Variants in NUP93 observed in about 807,000 individuals in gnomAD.
NUP93 encodes nuclear pore complex protein Nup93.
In NUP93, 55 loss-of-function variants were observed where a neutral mutation model predicts 107.8. The observed-to-expected ratio is 0.51, with a 90% confidence interval of 0.41 to 0.64. The LOEUF (loss-of-function observed/expected upper bound fraction) is 0.64. Among genes scored for constraint, NUP93 ranks in the 30% least tolerant of loss-of-function variants. The pLI is 0.00. For synonymous variants in NUP93, 390 were observed against 397.5 expected (o/e 0.98, Z 0.22); for missense variants, 937 against 1,044.7 (o/e 0.90, Z 1.42).
intron 4 of NUP93, 69 bp downstream of exon 4, chr16:56,798,607 T>C (rs1962951529): frequency 4.0e-6 from 5 of 1,250,038 alleles, no homozygotes; most frequent in Middle Eastern, 1.9e-4. Context: ...GTGGCTCACA[T>C]CTGTAATCCT....
At chr16:56,758,346 C>T (rs1962064263) in intron 2 of NUP93, among the ~76,000 whole-genome samples, 192 bp from the exon 3 acceptor site, 1 of 152,166 alleles carries the variant, frequency 6.6e-6, no homozygotes, top group Non-Finnish European at 1.5e-5. Context: ...CTACAAAGTA[C>T]AGTGTTATGG....
chr16:56,837,004 G>T lies in NUP93; in HGVS notation c.1899+287G>T, dbSNP rs16962710. Among the ~76,000 whole-genome samples the T allele has an allele frequency of 0.021, 3,134 of 152,336 alleles. 54 individuals carry two copies. Among genetic ancestry groups the T allele is most frequent in the South Asian group, 0.061 (293 of 4,830 alleles). On this transcript the variant is annotated intron_variant, in intron 17 of 21. Transcript: ENST00000308159. ...AATTAGCATCCATCACATTTCGATG[G>T]TGAAGCCACTGTTGAAAATTACATT... is the stretch of plus-strand genomic sequence containing the variant.
chr16:56,763,319 C>T (rs1355074461), intron 3 of NUP93, among the ~76,000 whole-genome samples: 4 of 152,150 alleles, frequency 2.6e-5, no homozygotes. Flanking sequence ...ATAGTAGTTA[C>T]TCTTTCTAAA....
chr16:56,814,512 A>G (rs1963380176), intron 5 of NUP93, among the ~76,000 whole-genome samples: 1 of 152,194 alleles, frequency 6.6e-6, no homozygotes, highest in Admixed American at 6.5e-5. Context: ...TTTTCTAACT[A>G]GAATGTGCTT....
rs78099473 is a variant in NUP93, at chr16:56,835,517, G to A, written c.1782+739G>A. Among the ~76,000 whole-genome samples, 151 of 152,342 alleles carry A rather than the reference G, an allele frequency of 9.9e-4. 1 individual carries two copies. In the East Asian group the frequency reaches 0.021, roughly 22 times the overall value. ...TGACAATCAACAGGCATTGTGCTGA[G>A]TGCTTTGCATAGTTTCTTCTTTAAC... On this transcript the variant is annotated intron_variant, in intron 16 of 21. Transcript: ENST00000308159.
At chr16:56,757,760 G>A (rs1250453370) in intron 2 of NUP93, among the ~76,000 whole-genome samples, 1 of 152,190 alleles carries the variant, frequency 6.6e-6, no homozygotes, top group Admixed American at 6.5e-5. Context: ...GCTTTTGAAG[G>A]GAAGCCATGG....
chr16:56,770,154 G>C (rs1340382225), intron 3 of NUP93, among the ~76,000 whole-genome samples: 3 of 152,238 alleles, frequency 2.0e-5, no homozygotes, highest in African/African-American at 7.2e-5. Context: ...GAATCAGGAA[G>C]AGAAGACTAA....
chr16:56,748,396 G>T lies in NUP93; in HGVS notation c.149G>T (p.Arg50Leu), dbSNP rs34670294. The T allele has an allele frequency of 2.5e-6, 4 of 1,613,554 alleles. No homozygotes were observed. Among genetic ancestry groups the T allele is most frequent in the Non-Finnish European group, 3.4e-6 (4 of 1,179,850 alleles). ...CGCCTGCGTTCCCGTACCCTAACAC[G>T]CACGTCCCAGGAGACGGCAGATGTC... ...GERLRSRTLT[R>L]TSQETADVKA... The change falls in exon 2 of 22, where the codon CGC (arginine) becomes CTC (leucine). Residue 50 changes from arginine (R) to leucine (L), a missense_variant. Arg to Leu is a moderately radical substitution (Grantham distance 102). Coordinates refer to ENST00000308159, the MANE Select transcript of NUP93 (RefSeq NM_014669.5).
At chr16:56,777,830 T>C (rs1455065827) in intron 3 of NUP93, among the ~76,000 whole-genome samples, 3 of 152,214 alleles carry the variant, frequency 2.0e-5, no homozygotes, top group African/African-American at 7.2e-5. Context: ...GCTGGAATTA[T>C]CTCAGGGAGC....
intron 9 of NUP93, among the ~76,000 whole-genome samples, chr16:56,830,029 C>T (rs1963747735): frequency 6.6e-6 from 1 of 152,222 alleles, no homozygotes; most frequent in South Asian, 2.1e-4. Context: ...GGAGCTGTCT[C>T]TCAGATCCCC....
At chr16:56,834,332 G>A in intron 14 of NUP93, 38 bp from the exon 15 acceptor site, 1 of 1,613,980 alleles carries the variant, frequency 6.2e-7, no homozygotes, top group African/African-American at 1.3e-5. Flanking sequence ...GAGACCTCAT[G>A]TCCAGACTGG....
At chr16:56,813,708 C>T (rs1291360831) in intron 5 of NUP93, among the ~76,000 whole-genome samples, 2 of 152,128 alleles carry the variant, frequency 1.3e-5, no homozygotes, top group Non-Finnish European at 1.5e-5. Context: ...TATATCTTAT[C>T]GATTTATTAT....
chr16:56,788,704 G>T (rs1270019924), intron 3 of NUP93, among the ~76,000 whole-genome samples: 1 of 152,188 alleles, frequency 6.6e-6, no homozygotes, highest in Non-Finnish European at 1.5e-5. Context: ...GCCATCATAG[G>T]AATGCCCTTA....
At chr16:56,832,112 G>T in intron 11 of NUP93, 105 bp downstream of exon 11, 1 of 1,410,194 alleles carries the variant, frequency 7.1e-7, no homozygotes, top group Non-Finnish European at 9.9e-7. Context: ...ACAGTGATCA[G>T]GACCAGTGGG....
At chr16:56,841,257 T>G (rs989718019) in intron 20 of NUP93, among the ~76,000 whole-genome samples, 1 of 152,220 alleles carries the variant, frequency 6.6e-6, no homozygotes, top group Non-Finnish European at 1.5e-5. Flanking sequence ...CCAAGGACTC[T>G]GGTAGGGTCA....
intron 5 of NUP93, among the ~76,000 whole-genome samples, chr16:56,817,059 T>C (rs1382883723): frequency 6.6e-6 from 1 of 152,144 alleles, no homozygotes; most frequent in Non-Finnish European, 1.5e-5. Flanking sequence ...AAGTAGGAAT[T>C]GGGAGTGATC....
At chr16:56,791,609 T>C (rs1291603781) in intron 3 of NUP93, among the ~76,000 whole-genome samples, 1 of 152,248 alleles carries the variant, frequency 6.6e-6, no homozygotes, top group Non-Finnish European at 1.5e-5. Flanking sequence ...GTTTGCATGA[T>C]AGGTAAAAAT....
At chr16:56,800,818 C>T (rs1460734544) in intron 4 of NUP93, among the ~76,000 whole-genome samples, 1 of 152,184 alleles carries the variant, frequency 6.6e-6, no homozygotes, top group African/African-American at 2.4e-5. Context: ...TTCTAAAAGC[C>T]AGCAACAGTG....
intron 5 of NUP93, among the ~76,000 whole-genome samples, chr16:56,811,737 C>T (rs1215903127): frequency 6.6e-6 from 1 of 152,192 alleles, no homozygotes; most frequent in African/African-American, 2.4e-5. Flanking sequence ...TCCCAAAGTG[C>T]TGTGATTACA....
Sources: allele counts gnomAD v4.1 joint callset (sites outside exome capture counted in the v4.1 genomes callset), GRCh38; gene constraint gnomAD v4.1.1; transcripts MANE v1.5; gene names NCBI Gene and HGNC (gene_info 2026-07-23, HGNC 2026-07-21).